The following PCOLCE2 variants were observed in gnomAD, a reference collection of about 807,000 sequenced individuals.
PCOLCE2 encodes procollagen C-endopeptidase enhancer 2.
A neutral mutation model predicts 47.0 loss-of-function variants in PCOLCE2; 42 were observed. The ratio of observed to expected loss-of-function variants is 0.89; its 90% CI spans 0.70 to 1.16. The LOEUF (loss-of-function observed/expected upper bound fraction) is 1.16. Ranked by LOEUF, PCOLCE2 falls within the 50% of genes most tolerant of loss-of-function variation. The pLI, the probability that PCOLCE2 is intolerant of heterozygous loss-of-function variation, is 0.00. For missense variants in PCOLCE2, 500 were observed against 526.1 expected, an observed-to-expected ratio of 0.95 and a Z score of 0.49; for synonymous variants, 169 against 191.7, an observed-to-expected ratio of 0.88 and a Z score of 0.98.
intron 2 of PCOLCE2, among the ~76,000 whole-genome samples, chr3:142,870,061 A>C (rs1389978858): frequency 6.6e-6 from 1 of 152,256 alleles, no homozygotes; most frequent in Non-Finnish European, 1.5e-5. Context: ...TGAATGAGGG[A>C]TAATTTTAAC....
chr3:142,848,523 G>A, intron 2 of PCOLCE2, 51 bp from the exon 3 acceptor site: 1 of 1,476,642 alleles, frequency 6.8e-7, no homozygotes, highest in African/African-American at 1.4e-5. Flanking sequence ...AATATCTGAG[G>A]CTTTGACATC....
intron 2 of PCOLCE2, among the ~76,000 whole-genome samples, chr3:142,880,050 C>T (rs141831746): frequency 1.1e-4 from 16 of 150,766 alleles, no homozygotes; most frequent in African/African-American, 3.7e-4. Context: ...ACCCCACCCC[C>T]CCAAAAAAAA....
chr3:142,827,351 C>T, intron 6 of PCOLCE2: 1 of 1,492,522 alleles, frequency 6.7e-7, no homozygotes, highest in Non-Finnish European at 9.3e-7. Flanking sequence ...GTCAGTTCGG[C>T]CACCTCCAGC....
At chr3:142,823,687 C>T (rs1189803191) in intron 6 of PCOLCE2, 72 bp from the exon 7 acceptor site, 1 of 845,046 alleles carries the variant, frequency 1.2e-6, no homozygotes, top group Admixed American at 2.2e-5. Flanking sequence ...TCTGAATCTA[C>T]CCATTTAAAA....
At chr3:142,826,834 A>G (rs1288085185) in intron 6 of PCOLCE2, among the ~76,000 whole-genome samples, 1 of 152,042 alleles carries the variant, frequency 6.6e-6, no homozygotes, top group Non-Finnish European at 1.5e-5. Flanking sequence ...CTTTTGTAAC[A>G]TTCCCTTCCA....
intron 3 of PCOLCE2, among the ~76,000 whole-genome samples, chr3:142,845,855 A>C (rs1302059252): frequency 6.6e-6 from 1 of 152,138 alleles, no homozygotes; most frequent in Non-Finnish European, 1.5e-5. Flanking sequence ...CATGCCTGTA[A>C]TCCCAGCTGC....
chr3:142,872,544 C>T (rs962101370), intron 2 of PCOLCE2, among the ~76,000 whole-genome samples: 2 of 152,150 alleles, frequency 1.3e-5, no homozygotes, highest in Non-Finnish European at 2.9e-5. Context: ...TCCCACGTGC[C>T]TAGAACAGTC....
intron 2 of PCOLCE2, among the ~76,000 whole-genome samples, chr3:142,877,480 AAAAT>A (rs1933523191): frequency 6.6e-6 from 1 of 152,212 alleles, no homozygotes; most frequent in South Asian, 2.1e-4. Context: ...GGGAGGTTAA[AAAAT>A]AAATAAATAA....
Position 142,856,282 on chromosome 3 carries a change from T to C in PCOLCE2, c.193-7810A>G, listed in dbSNP as rs541331747. On this transcript the variant is annotated intron_variant, in intron 2 of 8. Coordinates refer to ENST00000295992, the MANE Select transcript of PCOLCE2 (RefSeq NM_013363.4). ...ATCGAGGCACATACTGTAATTTCCA[T>C]GGCCTCTGCAAAAGTGTAACTAGGC... Among the ~76,000 whole-genome samples, 22 of 152,306 alleles carry C rather than the reference T, an allele frequency of 1.4e-4. No individual in the cohort carries two copies. The South Asian group carries it at 4.4e-3, about 30-fold the overall frequency.
At chr3:142,884,069 T>G (rs1165459382) in intron 2 of PCOLCE2, among the ~76,000 whole-genome samples, 1 of 152,192 alleles carries the variant, frequency 6.6e-6, no homozygotes, top group Non-Finnish European at 1.5e-5. Context: ...TATGTTGCAG[T>G]GAAATACATC....
chr3:142,860,909 A>C (rs1933170589), intron 2 of PCOLCE2, among the ~76,000 whole-genome samples: 1 of 152,060 alleles, frequency 6.6e-6, no homozygotes, highest in East Asian at 1.9e-4. Flanking sequence ...GTGGGCTGGG[A>C]CTTCACTTCT....
intron 8 of PCOLCE2, among the ~76,000 whole-genome samples, chr3:142,818,840 G>T (rs1936980240): frequency 6.6e-6 from 1 of 152,212 alleles, no homozygotes; most frequent in South Asian, 2.1e-4. Flanking sequence ...GGACTGAGTG[G>T]TTAGATCAGC....
chr3:142,876,689 G>A (rs188920920), intron 2 of PCOLCE2, among the ~76,000 whole-genome samples: 16 of 152,240 alleles, frequency 1.1e-4, no homozygotes, highest in African/African-American at 3.9e-4. Context: ...TGAGAAGACT[G>A]GAACTACTAG....
chr3:142,827,818 G>T, intron 6 of PCOLCE2: 1 of 573,294 alleles, frequency 1.7e-6, no homozygotes, highest in Non-Finnish European at 3.1e-6. Context: ...AAAATCTCAC[G>T]GACACCTCAA....
intron 2 of PCOLCE2, among the ~76,000 whole-genome samples, chr3:142,883,286 T>G (rs1447642508): frequency 6.6e-6 from 1 of 151,962 alleles, no homozygotes; most frequent in African/African-American, 2.4e-5. Context: ...GATTCTAGGC[T>G]TTAAGTTTCC....
At chr3:142,831,213 CA>C (rs1560131061) in intron 5 of PCOLCE2, among the ~76,000 whole-genome samples, 1 of 152,256 alleles carries the variant, frequency 6.6e-6, no homozygotes, top group African/African-American at 2.4e-5. Context: ...GCTCTGCCCT[CA>C]GGAATGGATT....
At chr3:142,888,385 G>A (rs1933753360) in intron 1 of PCOLCE2, among the ~76,000 whole-genome samples, 1 of 152,210 alleles carries the variant, frequency 6.6e-6, no homozygotes, top group African/African-American at 2.4e-5. Flanking sequence ...CGGCTCCCTA[G>A]GCGCCGCGCC....
rs901937657 is a variant in PCOLCE2 at position 142,840,002 on chromosome 3, A to C, written c.574-1096T>G. Among the ~76,000 whole-genome samples, 4 of 152,256 alleles carry C rather than the reference A, an allele frequency of 2.6e-5. No individual in the cohort carries two copies. In the South Asian group the frequency reaches 6.2e-4, roughly 24 times the overall value. On this transcript the variant is annotated intron_variant, in intron 4 of 8. Coordinates refer to ENST00000295992, the MANE Select transcript of PCOLCE2 (RefSeq NM_013363.4). Reference sequence around the variant, plus strand: ...GTGTGAATATATGTGTAGGAGGGTGAGCTGAGTGGATAGAGTTGTTCCCCT... The same window carrying C: ...GTGTGAATATATGTGTAGGAGGGTGCGCTGAGTGGATAGAGTTGTTCCCCT...
intron 2 of PCOLCE2, among the ~76,000 whole-genome samples, chr3:142,875,961 G>A (rs1419498679): frequency 1.3e-5 from 2 of 152,164 alleles, no homozygotes; most frequent in East Asian, 3.9e-4. Flanking sequence ...GACATTTTGT[G>A]CTTTACTTAT....
Sources: allele counts gnomAD v4.1 joint callset (sites outside exome capture counted in the v4.1 genomes callset), GRCh38; gene constraint gnomAD v4.1.1; transcripts MANE v1.5; gene names NCBI Gene and HGNC (gene_info 2026-07-23, HGNC 2026-07-21).